Variants in P3H2 observed in about 807,000 individuals in gnomAD.
P3H2 encodes the protein prolyl 3-hydroxylase 2.
Under a neutral mutation model 87.0 loss-of-function variants are expected in P3H2, and 80 were observed. The observed-to-expected ratio is 0.92, with a 90% CI of 0.77 to 1.11. The LOEUF (loss-of-function observed/expected upper bound fraction) is 1.11, where lower values mean the gene tolerates loss of function less well. Among genes scored for constraint, P3H2 ranks in the 50% least tolerant of loss-of-function variants. The pLI is 0.00. For missense variants in P3H2, 1,001 were observed against 923.9 expected (o/e 1.08, Z -1.08); for synonymous variants, 367 against 359.3 (o/e 1.02, Z -0.24).
At position 189,957,374 on chromosome 3, in the gene P3H2, G is replaced by C. The variant is rs954922656; in HGVS notation, c.*538C>G. On this transcript the variant is annotated 3_prime_UTR_variant, in exon 15 of 15. Coordinates refer to ENST00000319332, the MANE Select transcript of P3H2 (RefSeq NM_018192.4). The stretch of plus-strand genomic sequence containing the variant: ...GGTTAATTTTAGAACTGGAGCACAC[G>C]TGAGAGTTGTAGTTTCACCACCAAG... The C allele has an allele frequency of 7.5e-6, 3 of 401,226 alleles. No individual in the cohort carries two copies. 24.9% of individuals were successfully genotyped at this position (401,226 alleles called of 1,614,324 possible). A position where few individuals can be genotyped will look rare whatever the true frequency, so the allele number is the denominator to read the frequency against.
At chr3:190,077,681 G>A (rs949643322) in intron 1 of P3H2, among the ~76,000 whole-genome samples, 4 of 152,170 alleles carry the variant, frequency 2.6e-5, no homozygotes, top group South Asian at 2.1e-4. Flanking sequence ...TACAATGAAG[G>A]ATGAAAGGTT....
At chr3:190,075,608 T>C (rs1041032184) in intron 1 of P3H2, among the ~76,000 whole-genome samples, 5 of 152,170 alleles carry the variant, frequency 3.3e-5, no homozygotes, top group African/African-American at 4.8e-5. Flanking sequence ...CTACAGGAAT[T>C]AGGGAAAGCT....
intron 8 of P3H2, among the ~76,000 whole-genome samples, chr3:189,980,303 G>A (rs1723490443): frequency 6.6e-6 from 1 of 152,170 alleles, no homozygotes; most frequent in South Asian, 2.1e-4. Flanking sequence ...GGTGGCTCAT[G>A]CCTGTAATCT....
chr3:190,113,007 C>T (rs1306036742), intron 1 of P3H2, among the ~76,000 whole-genome samples: 1 of 152,036 alleles, frequency 6.6e-6, no homozygotes, highest in Non-Finnish European at 1.5e-5. Context: ...TGACTCTTGG[C>T]TGAATAACTT....
intron 13 of P3H2, among the ~76,000 whole-genome samples, chr3:189,968,273 T>C (rs908742461): frequency 3.3e-5 from 5 of 152,074 alleles, no homozygotes; most frequent in Non-Finnish European, 5.9e-5. Flanking sequence ...CAGGCCCTGG[T>C]GTGTGATGTT....
At chr3:189,970,346 C>CA (rs1031615465) in intron 13 of P3H2, among the ~76,000 whole-genome samples, 4 of 146,996 alleles carry the variant, frequency 2.7e-5, no homozygotes, top group Non-Finnish European at 6.0e-5. Flanking sequence ...TATATATACA[C>CA]ATACACATAC....
intron 1 of P3H2, among the ~76,000 whole-genome samples, chr3:190,044,431 C>G (rs1308561224): frequency 1.3e-5 from 2 of 152,196 alleles, no homozygotes; most frequent in African/African-American, 4.8e-5. Context: ...AGCTGCCACA[C>G]CTCTCGCTAG....
upstream of P3H2, chr3:190,121,753 C>T (rs925439): frequency 0.35 from 53,310 of 151,994 alleles, 9,777 homozygotes; most frequent in African/African-American, 0.48. Context: ...TCCTCATCTC[C>T]TAAACAGCCA....
chr3:190,004,450 T>C (rs1337810200), intron 1 of P3H2, among the ~76,000 whole-genome samples: 1 of 152,106 alleles, frequency 6.6e-6, no homozygotes, highest in East Asian at 1.9e-4. Flanking sequence ...TGGCGGGATC[T>C]CGGCTCACTG....
Position 189,994,137 on chromosome 3 carries a change from A to G in P3H2, c.780T>C (p.Tyr260=), listed in dbSNP as rs1424467029. Residue 260 remains tyrosine, a synonymous_variant, in exon 3 of 15, where the codon TAT becomes TAC. Transcript: ENST00000319332. ...LCEGPQRFEE[Y]EYLGYKAGLY... Reference sequence around the variant, plus strand: ...GACCAGCCTTATACCCTAAATACTCATATTCTTCAAATCTCTGAGGCCCCT... The same window carrying G: ...GACCAGCCTTATACCCTAAATACTCGTATTCTTCAAATCTCTGAGGCCCCT... The G allele has an allele frequency of 1.4e-5, 23 of 1,613,430 alleles. No individual in the cohort carries two copies. The Admixed American group carries it at 2.0e-4, about 14-fold the overall frequency.
intron 8 of P3H2, among the ~76,000 whole-genome samples, chr3:189,978,881 A>G (rs1206543236): frequency 1.3e-5 from 2 of 152,182 alleles, no homozygotes; most frequent in East Asian, 3.9e-4. Context: ...GCTTCAGCCA[A>G]TTCTTAACCA....
At chr3:190,040,655 G>T (rs1030724429) in intron 1 of P3H2, among the ~76,000 whole-genome samples, 1 of 151,988 alleles carries the variant, frequency 6.6e-6, no homozygotes, top group Non-Finnish European at 1.5e-5. Flanking sequence ...TGATTTCTTG[G>T]TTTCACACAA....
chr3:190,042,787 C>A (rs1725677650), intron 1 of P3H2, among the ~76,000 whole-genome samples: 1 of 152,114 alleles, frequency 6.6e-6, no homozygotes, highest in Non-Finnish European at 1.5e-5. Flanking sequence ...AAACAAGAGT[C>A]AGGAGAAGGC....
At chr3:189,996,750 T>C (rs868574808) in intron 1 of P3H2, among the ~76,000 whole-genome samples, 4 of 151,660 alleles carry the variant, frequency 2.6e-5, no homozygotes, top group Non-Finnish European at 5.9e-5. Flanking sequence ...TATGTGTCAA[T>C]TAAAAATAAG....
chr3:190,073,220 T>G (rs1267460128), intron 1 of P3H2, among the ~76,000 whole-genome samples: 1 of 152,246 alleles, frequency 6.6e-6, no homozygotes, highest in Admixed American at 6.5e-5. Context: ...TCTGTGTGTC[T>G]GTTATACTTC....
At chr3:190,074,017 C>A (rs1726789156) in intron 1 of P3H2, among the ~76,000 whole-genome samples, 1 of 152,172 alleles carries the variant, frequency 6.6e-6, no homozygotes, top group South Asian at 2.1e-4. Flanking sequence ...AAGAAATACT[C>A]TCGTATCAGT....
chr3:189,978,825 A>T (rs1723434496), intron 8 of P3H2, among the ~76,000 whole-genome samples: 1 of 152,174 alleles, frequency 6.6e-6, no homozygotes, highest in Non-Finnish European at 1.5e-5. Flanking sequence ...AAATAAAAAT[A>T]AAAATGTAGT....
chr3:189,996,037 A>G (rs1666429), intron 1 of P3H2, among the ~76,000 whole-genome samples: 71,094 of 151,980 alleles, frequency 0.47, 16,659 homozygotes, highest in Admixed American at 0.48. Flanking sequence ...GACCATTATG[A>G]AAAACAGTAT....
intron 1 of P3H2, among the ~76,000 whole-genome samples, chr3:190,002,062 A>G (rs550169740): frequency 6.6e-6 from 1 of 152,314 alleles, no homozygotes; most frequent in South Asian, 2.1e-4. Flanking sequence ...TTATTTTAGG[A>G]CATTCCTAAA....
Sources: allele counts gnomAD v4.1 joint callset (sites outside exome capture counted in the v4.1 genomes callset), GRCh38; gene constraint gnomAD v4.1.1; transcripts MANE v1.5; gene names NCBI Gene and HGNC (gene_info 2026-07-23, HGNC 2026-07-21).